CNOT9: variants seen among roughly 807,000 people sequenced by gnomAD.
CNOT9 encodes the protein CCR4-NOT transcription complex subunit 9.
A neutral mutation model predicts 37.4 loss-of-function variants in CNOT9; 8 were observed. The observed-to-expected ratio is 0.21, with a 90% confidence interval of 0.13 to 0.39. CNOT9 has a LOEUF of 0.39. CNOT9 is among the 10% of genes least tolerant of loss of function. CNOT9 has a pLI of 1.00. For synonymous variants in CNOT9, 120 were observed against 137.6 expected, an observed-to-expected ratio of 0.87 and a Z score of 0.90; for missense variants, 154 against 365.3, an observed-to-expected ratio of 0.42 and a Z score of 4.71.
rs751552751 is a variant in CNOT9, at chr2:218,568,952, A to G, written c.-3A>G. ...GTGGAAGAGAGCGGCGGCCGCTCAC[A>G]ACATGCACAGCCTGGCGACGGCTGC... is the stretch of plus-strand genomic sequence containing the variant. On this transcript the variant is annotated 5_prime_UTR_variant, in exon 1 of 8. Transcript: ENST00000273064. The G allele has an allele frequency of 1.2e-6, 2 of 1,609,708 alleles. No individual in the cohort carries two copies. Among genetic ancestry groups the G allele is most frequent in the Non-Finnish European group, 1.7e-6 (2 of 1,178,252 alleles).
At chr2:218,582,509 T>G (rs1359533397) in intron 2 of CNOT9, among the ~76,000 whole-genome samples, 3 of 152,106 alleles carry the variant, frequency 2.0e-5, no homozygotes, top group Admixed American at 1.3e-4. Flanking sequence ...GCTAACACGG[T>G]GAAACCCCAT....
chr2:218,582,506 C>A (rs569250803), intron 2 of CNOT9, among the ~76,000 whole-genome samples: 2 of 152,186 alleles, frequency 1.3e-5, no homozygotes, highest in South Asian at 2.1e-4. Context: ...CTGGCTAACA[C>A]GGTGAAACCC....
intron 1 of CNOT9, among the ~76,000 whole-genome samples, chr2:218,578,255 A>G (rs1694238290): frequency 6.6e-6 from 1 of 152,232 alleles, no homozygotes; most frequent in Non-Finnish European, 1.5e-5. Context: ...GCTGCATTGT[A>G]TTTCAGTCTA....
chr2:218,573,250 G>T (rs541588962), intron 1 of CNOT9, among the ~76,000 whole-genome samples: 4 of 151,404 alleles, frequency 2.6e-5, no homozygotes, highest in African/African-American at 7.3e-5. Context: ...CCTGGGAGGC[G>T]CAGGTTATAG....
At chr2:218,590,819 TTGTTTTG>T (rs1249534545) in intron 5 of CNOT9, among the ~76,000 whole-genome samples, 37 of 150,360 alleles carry the variant, frequency 2.5e-4, no homozygotes, top group Admixed American at 4.0e-4. Flanking sequence ...GTTGTTGTTG[TTGTTTTG>T]TTTGTTTGTT....
intron 5 of CNOT9, among the ~76,000 whole-genome samples, chr2:218,588,588 C>CTGTTTTTTTTT (rs1694671490): frequency 2.4e-4 from 8 of 33,452 alleles, no homozygotes; most frequent in Non-Finnish European, 3.8e-4. Context: ...TCCACCCGGC[C>CTGTTTTTTTTT]TTTTTTTTTT....
chr2:218,580,563 T>G lies in CNOT9; in HGVS notation c.27T>G (p.Pro9=). Residue 9 remains proline (P), a splice_region_variant and synonymous_variant, in exon 2 of 8, where the codon CCT becomes CCG. Coordinates refer to ENST00000273064, the MANE Select transcript of CNOT9 (RefSeq NM_005444.3). The part of the protein sequence containing the change: MHSLATAA[P]VPTTLAQVDR... The stretch of plus-strand genomic sequence containing the variant: ...TACTTTCTTGTCTTCATCTGAAGCC[T>G]GTGCCTACTACACTGGCACAAGTGG... 1 of 1,606,528 alleles carries G rather than the reference T, an allele frequency of 6.2e-7. No individual in the cohort carries two copies. Among genetic ancestry groups the G allele is most frequent in the Non-Finnish European group, 8.5e-7 (1 of 1,176,248 alleles).
chr2:218,580,437 G>T (rs1324087665), intron 1 of CNOT9, 124 bp from the exon 2 acceptor site: 3 of 703,666 alleles, frequency 4.3e-6, no homozygotes, highest in Non-Finnish European at 6.9e-6. Flanking sequence ...GACATCAAAT[G>T]TATGTATTTA....
intron 4 of CNOT9, among the ~76,000 whole-genome samples, chr2:218,586,982 C>A (rs1411963256): frequency 6.6e-6 from 1 of 152,126 alleles, no homozygotes. Flanking sequence ...TACCTGAGTT[C>A]CACACCTACT....
chr2:218,585,204 A>G (rs1399028353), intron 4 of CNOT9, among the ~76,000 whole-genome samples: 1 of 148,978 alleles, frequency 6.7e-6, no homozygotes, highest in Admixed American at 6.8e-5. Flanking sequence ...CCATGGGCAC[A>G]GGCACACACC....
At chr2:218,584,313 A>G (rs956046258) in intron 3 of CNOT9, among the ~76,000 whole-genome samples, 1 of 152,164 alleles carries the variant, frequency 6.6e-6, no homozygotes, top group African/African-American at 2.4e-5. Context: ...TGTCCTGTGC[A>G]TTGTAGGATG....
rs1694609078 is a variant in CNOT9 at position 218,586,738 on chromosome 2, C to T, written c.431-848C>T. Among the ~76,000 whole-genome samples the T allele has an allele frequency of 2.6e-5, 4 of 152,156 alleles. No individual in the cohort carries two copies. The South Asian group carries it at 6.2e-4, about 24-fold the overall frequency. On this transcript the variant is annotated intron_variant, in intron 4 of 7. Transcript: ENST00000273064. ...CTCCTGACCTCAGGTGATCCAGCTG[C>T]CTCAGCCTCCCAAAGTGCTGTGATT... is the stretch of plus-strand genomic sequence containing the variant.
At chr2:218,576,984 C>A (rs1694192175) in intron 1 of CNOT9, among the ~76,000 whole-genome samples, 1 of 146,140 alleles carries the variant, frequency 6.8e-6, no homozygotes, top group Non-Finnish European at 1.5e-5. Flanking sequence ...AAAAAAAAGT[C>A]ATCTTTAGAT....
intron 1 of CNOT9, chr2:218,572,719 A>T: frequency 2.0e-6 from 2 of 984,644 alleles, no homozygotes; most frequent in Non-Finnish European, 2.4e-6. Flanking sequence ...GTAAGCCTTT[A>T]GGGGATGTGT....
At chr2:218,580,429 C>G in intron 1 of CNOT9, 132 bp from the exon 2 acceptor site, 1 of 662,428 alleles carries the variant, frequency 1.5e-6, no homozygotes, top group Non-Finnish European at 2.5e-6. Flanking sequence ...GAATAGTTGA[C>G]ATCAAATGTA....
chr2:218,581,454 GCCA>G (rs1408762709), intron 2 of CNOT9, among the ~76,000 whole-genome samples: 1 of 151,780 alleles, frequency 6.6e-6, no homozygotes, highest in Non-Finnish European at 1.5e-5. Context: ...ACAGGCATGA[GCCA>G]CCATGCCTGG....
rs148994014 is a variant in CNOT9 at position 218,589,763 on chromosome 2, C to G, written c.540+2068C>G. Reference sequence around the variant, plus strand: ...GCTCAAGCAGTCTTCCCACTTCCCTCTCTGGAGTAGGTAGCTTTGATACTG... The same window carrying G: ...GCTCAAGCAGTCTTCCCACTTCCCTGTCTGGAGTAGGTAGCTTTGATACTG... On this transcript the variant is annotated intron_variant, in intron 5 of 7. Coordinates refer to ENST00000273064, the MANE Select transcript of CNOT9 (RefSeq NM_005444.3). Among the ~76,000 whole-genome samples the G allele has an allele frequency of 1.9e-3, 295 of 152,324 alleles. 1 individual carries two copies. Among genetic ancestry groups the G allele is most frequent in the African/African-American group, 6.1e-3 (255 of 41,576 alleles).
chr2:218,592,417 C>A lies in CNOT9; in HGVS notation c.639+15C>A. ...CCATGATCTTGGTGAGTTCTTTCATCTATCCCCTTTACAACTACTTCTCAT... is the reference window on the plus strand; with the variant it reads ...CCATGATCTTGGTGAGTTCTTTCATATATCCCCTTTACAACTACTTCTCAT... On this transcript the variant is annotated intron_variant, in intron 6 of 7. Transcript: ENST00000273064. The surrounding 1 kb of genome is among the most constrained non-coding windows in gnomAD (Gnocchi z 4.1). The A allele has an allele frequency of 1.3e-6, 2 of 1,596,464 alleles. No homozygotes were observed. Among genetic ancestry groups the A allele is most frequent in the Non-Finnish European group, 1.7e-6 (2 of 1,164,090 alleles).
At chr2:218,569,429 C>T (rs1432603191) in intron 1 of CNOT9, among the ~76,000 whole-genome samples, 1 of 152,080 alleles carries the variant, frequency 6.6e-6, no homozygotes, top group African/African-American at 2.4e-5. Context: ...ACCTGAGGCC[C>T]GGAAAAGTGC....
Sources: allele counts gnomAD v4.1 joint callset (sites outside exome capture counted in the v4.1 genomes callset), GRCh38; gene constraint gnomAD v4.1.1; non-coding constraint Gnocchi (gnomAD v3.1); transcripts MANE v1.5; gene names NCBI Gene and HGNC (gene_info 2026-07-23, HGNC 2026-07-21).